The following OLFM3 variants were observed in gnomAD, a reference collection of about 807,000 sequenced individuals.
OLFM3 encodes the protein noelin-3.
In OLFM3, 20 loss-of-function variants were observed where a neutral mutation model predicts 48.6. That is an observed-to-expected ratio of 0.41 (90% CI 0.29 to 0.60). The LOEUF (loss-of-function observed/expected upper bound fraction) is 0.60, where lower values mean the gene tolerates loss of function less well. OLFM3 is among the 20% of genes least tolerant of loss of function. The pLI, the probability that OLFM3 is intolerant of heterozygous loss-of-function variation, is 0.28. For synonymous variants in OLFM3, 222 were observed against 198.1 expected, an observed-to-expected ratio of 1.12 and a Z score of -1.01; for missense variants, 437 against 544.3, an observed-to-expected ratio of 0.80 and a Z score of 1.96.
At chr1:101,916,491 T>C (rs1042554832) in intron 1 of OLFM3, among the ~76,000 whole-genome samples, 1 of 152,158 alleles carries the variant, frequency 6.6e-6, no homozygotes, top group Non-Finnish European at 1.5e-5. Flanking sequence ...GAATCAGCAT[T>C]CTGGCTGGCT....
At chr1:101,931,023 TACTC>T (rs1659428825) in intron 1 of OLFM3, among the ~76,000 whole-genome samples, 1 of 152,230 alleles carries the variant, frequency 6.6e-6, no homozygotes, top group African/African-American at 2.4e-5. Context: ...TGGTGACATA[TACTC>T]ACTCATATAA....
chr1:101,847,058 A>G (rs1199743440), intron 1 of OLFM3: 8 of 1,502,732 alleles, frequency 5.3e-6, no homozygotes, highest in African/African-American at 1.4e-5. Flanking sequence ...GCAGCGCGCC[A>G]CATCTACAGC....
chr1:101,897,209 T>A (rs1184323780), intron 1 of OLFM3, among the ~76,000 whole-genome samples: 1 of 152,156 alleles, frequency 6.6e-6, no homozygotes, highest in African/African-American at 2.4e-5. Flanking sequence ...TATGCAGGAA[T>A]TATACATATT....
At chr1:101,924,059 A>T (rs1391469673) in intron 1 of OLFM3, among the ~76,000 whole-genome samples, 2 of 152,194 alleles carry the variant, frequency 1.3e-5, no homozygotes, top group Non-Finnish European at 2.9e-5. Flanking sequence ...TTAGCTAAGA[A>T]AAAACAGAGG....
intron 1 of OLFM3, among the ~76,000 whole-genome samples, chr1:101,905,294 T>C (rs1427608428): frequency 6.6e-6 from 1 of 152,150 alleles, no homozygotes; most frequent in East Asian, 1.9e-4. Context: ...GAAACATTCA[T>C]TGGATTGCAA....
chr1:101,924,218 T>C (rs980938236), intron 1 of OLFM3, among the ~76,000 whole-genome samples: 1 of 152,168 alleles, frequency 6.6e-6, no homozygotes, highest in African/African-American at 2.4e-5. Context: ...ACTTTTATAG[T>C]GAATTATTTG....
In OLFM3 at chr1:101,916,869, A is replaced by G. The variant is rs143121920; in HGVS notation, c.70-79844T>C. Among the ~76,000 whole-genome samples the G allele has an allele frequency of 2.2e-3, 339 of 152,300 alleles. 1 individual carries two copies. Among genetic ancestry groups the G allele is most frequent in the Non-Finnish European group, 3.8e-3 (260 of 68,026 alleles). On this transcript the variant is annotated intron_variant, in intron 1 of 5. Coordinates refer to ENST00000370103, the MANE Select transcript of OLFM3 (RefSeq NM_058170.4). ...GACGTATGAGCGAATTAAGCACATG[A>G]ATTAGATTTTACAATACTGAGAGCA...
intron 1 of OLFM3, among the ~76,000 whole-genome samples, chr1:101,989,350 T>C (rs1244753720): frequency 1.3e-5 from 2 of 152,144 alleles, no homozygotes; most frequent in East Asian, 3.8e-4. Flanking sequence ...CAATTTTTTA[T>C]TATTTCAGCA....
At chr1:101,854,962 T>A (rs957022957) in intron 1 of OLFM3, among the ~76,000 whole-genome samples, 3 of 152,060 alleles carry the variant, frequency 2.0e-5, no homozygotes, top group East Asian at 3.8e-4. Flanking sequence ...ATGTTTGCCA[T>A]CACTATGCAA....
chr1:101,824,367 A>G (rs1363577038), intron 4 of OLFM3, among the ~76,000 whole-genome samples: 4 of 152,146 alleles, frequency 2.6e-5, no homozygotes, highest in Non-Finnish European at 5.9e-5. Context: ...CATGGATATC[A>G]CGAAAGAGTT....
chr1:101,932,814 G>A (rs1350230620), intron 1 of OLFM3, among the ~76,000 whole-genome samples: 1 of 152,000 alleles, frequency 6.6e-6, no homozygotes, highest in Admixed American at 6.6e-5. Context: ...TGGCTGAAAT[G>A]ACAGAAATAG....
chr1:101,914,479 C>A (rs1262706496), intron 1 of OLFM3, among the ~76,000 whole-genome samples: 1 of 152,194 alleles, frequency 6.6e-6, no homozygotes, highest in African/African-American at 2.4e-5. Context: ...AAGTCTGAGT[C>A]CCAAATTCAG....
chr1:101,991,840 G>A (rs1269865027), intron 1 of OLFM3, among the ~76,000 whole-genome samples: 2 of 151,434 alleles, frequency 1.3e-5, no homozygotes, highest in Non-Finnish European at 2.9e-5. Flanking sequence ...GTGGAAAGTA[G>A]AAAATTGAAA....
chr1:101,948,654 C>A lies in OLFM3; in HGVS notation c.69+48094G>T, dbSNP rs574237618. Among the ~76,000 whole-genome samples the A allele has an allele frequency of 2.0e-5, 3 of 152,064 alleles. No individual in the cohort carries two copies. In the South Asian group the frequency reaches 6.2e-4, roughly 31 times the overall value. Reference sequence around the variant, plus strand: ...TGTCTAAATAAGTCTCACTGAAACACATTTGTGAAAACATACCTCCATTCC... The same window carrying A: ...TGTCTAAATAAGTCTCACTGAAACAAATTTGTGAAAACATACCTCCATTCC... On this transcript the variant is annotated intron_variant, in intron 1 of 5. Coordinates refer to ENST00000370103, the MANE Select transcript of OLFM3 (RefSeq NM_058170.4).
intron 1 of OLFM3, among the ~76,000 whole-genome samples, chr1:101,922,669 G>A (rs1256268041): frequency 6.6e-6 from 1 of 152,112 alleles, no homozygotes; most frequent in Non-Finnish European, 1.5e-5. Context: ...TCTGAAGTAA[G>A]AATGATTAAA....
chr1:101,869,973 A>C (rs1203502244), intron 1 of OLFM3, among the ~76,000 whole-genome samples: 1 of 152,208 alleles, frequency 6.6e-6, no homozygotes, highest in Non-Finnish European at 1.5e-5. Context: ...TCTTTATGGC[A>C]GCATGAGAAC....
intron 1 of OLFM3, among the ~76,000 whole-genome samples, chr1:101,845,807 G>A (rs925029631): frequency 1.3e-5 from 2 of 152,142 alleles, no homozygotes; most frequent in African/African-American, 4.8e-5. Flanking sequence ...TTAAGCACTG[G>A]GAGAATCTGG....
chr1:101,983,474 T>C (rs886444154), intron 1 of OLFM3, among the ~76,000 whole-genome samples: 2 of 152,200 alleles, frequency 1.3e-5, no homozygotes, highest in Non-Finnish European at 2.9e-5. Context: ...CTTTGGGTCC[T>C]CCAGTAAAAA....
At chr1:101,898,308 G>T (rs1658273212) in intron 1 of OLFM3, among the ~76,000 whole-genome samples, 1 of 152,148 alleles carries the variant, frequency 6.6e-6, no homozygotes, top group Non-Finnish European at 1.5e-5. Context: ...ATGTAGTAAG[G>T]TTGAGCAACT....
Sources: gnomAD v4.1 joint callset for allele counts (sites outside exome capture counted in the v4.1 genomes callset) on GRCh38, gnomAD v4.1.1 for gene constraint, MANE v1.5 for transcripts, NCBI Gene and HGNC (gene_info 2026-07-23, HGNC 2026-07-21) for gene names.